Variants in TENT2 observed in about 807,000 individuals in gnomAD.
TENT2 encodes terminal nucleotidyltransferase 2, also known as poly(A) RNA polymerase GLD2.
In TENT2, 44 loss-of-function variants were observed where a neutral mutation model predicts 72.2. That is an observed-to-expected ratio of 0.61 (90% confidence interval 0.48 to 0.78). The LOEUF (loss-of-function observed/expected upper bound fraction) is 0.78. Ranked by LOEUF, TENT2 falls within the 30% of genes least tolerant of loss-of-function variation. TENT2 has a pLI of 0.00. For missense variants in TENT2, 541 were observed against 569.6 expected (o/e 0.95, Z 0.51); for synonymous variants, 212 against 192.5 (o/e 1.10, Z -0.84).
At chr5:79,674,347 A>G (rs1815449057) in intron 12 of TENT2, among the ~76,000 whole-genome samples, 1 of 152,130 alleles carries the variant, frequency 6.6e-6, no homozygotes. Context: ...GCGCCACCGC[A>G]CTCCAGCCCT....
At chr5:79,662,211 G>A (rs556436000) in intron 11 of TENT2, among the ~76,000 whole-genome samples, 40 of 152,330 alleles carry the variant, frequency 2.6e-4, no homozygotes, top group Middle Eastern at 3.4e-3. Flanking sequence ...AGGTTCCACT[G>A]CTAATTCTAA....
intron 1 of TENT2, 25 bp from the exon 2 acceptor site, chr5:79,619,587 A>G: frequency 6.7e-7 from 1 of 1,487,544 alleles, no homozygotes; most frequent in Non-Finnish European, 9.1e-7. Flanking sequence ...TGATAATTTA[A>G]TATTGTCTTT....
chr5:79,648,505 G>T, intron 8 of TENT2, 112 bp from the exon 9 acceptor site: 1 of 695,334 alleles, frequency 1.4e-6, no homozygotes, highest in Admixed American at 3.1e-5. Context: ...TGGCCTTTGG[G>T]CCCATACTAT....
chr5:79,647,996 T>C (rs188420451), intron 8 of TENT2, among the ~76,000 whole-genome samples: 1 of 152,344 alleles, frequency 6.6e-6, no homozygotes, highest in East Asian at 1.9e-4. Flanking sequence ...TTTAAATTAT[T>C]TCCCCTGTAT....
At chr5:79,633,186 C>T (rs1376206681) in intron 4 of TENT2, among the ~76,000 whole-genome samples, 1 of 152,110 alleles carries the variant, frequency 6.6e-6, no homozygotes, top group East Asian at 1.9e-4. Context: ...TTATTTTCCT[C>T]AGAAAATTAA....
At chr5:79,640,420 A>G (rs1479354362) in intron 4 of TENT2, among the ~76,000 whole-genome samples, 2 of 152,170 alleles carry the variant, frequency 1.3e-5, no homozygotes, top group African/African-American at 4.8e-5. Context: ...GGGATTGGGC[A>G]AACTTCTTTA....
chr5:79,624,646 G>C (rs1767908413), intron 4 of TENT2, among the ~76,000 whole-genome samples: 1 of 152,112 alleles, frequency 6.6e-6, no homozygotes, highest in African/African-American at 2.4e-5. Context: ...TTATATAAAT[G>C]AAATCATTCA....
intron 11 of TENT2, among the ~76,000 whole-genome samples, chr5:79,662,001 G>GA (rs1000191549): frequency 6.6e-6 from 1 of 152,072 alleles, no homozygotes; most frequent in African/African-American, 2.4e-5. Context: ...TTTCACTAAT[G>GA]AAAAAACTAA....
intron 12 of TENT2, among the ~76,000 whole-genome samples, chr5:79,673,343 A>G (rs1814532727): frequency 6.6e-6 from 1 of 152,010 alleles, no homozygotes; most frequent in Non-Finnish European, 1.5e-5. Context: ...GTGCTTGTGG[A>G]GTATTACTTA....
intron 4 of TENT2, among the ~76,000 whole-genome samples, chr5:79,631,668 G>A (rs1775659065): frequency 6.6e-6 from 1 of 152,228 alleles, no homozygotes; most frequent in South Asian, 2.1e-4. Context: ...CAAAAGGTGT[G>A]AAGTTAGGAC....
intron 12 of TENT2, among the ~76,000 whole-genome samples, chr5:79,671,018 G>C (rs1416584877): frequency 3.3e-5 from 5 of 151,906 alleles, no homozygotes; most frequent in African/African-American, 1.2e-4. Flanking sequence ...GGGGGAAAAG[G>C]ATTCACAGAA....
chr5:79,643,090 C>T, intron 7 of TENT2, 180 bp downstream of exon 7: 1 of 614,260 alleles, frequency 1.6e-6, no homozygotes, highest in Non-Finnish European at 2.0e-6. Flanking sequence ...ATTTATTCAA[C>T]ATATCTTTAT....
intron 11 of TENT2, among the ~76,000 whole-genome samples, chr5:79,662,431 T>C (rs748130915): frequency 1.3e-4 from 20 of 152,234 alleles, no homozygotes; most frequent in Non-Finnish European, 2.1e-4. Context: ...CCAGATTCAT[T>C]AGTGGAATCA....
At chr5:79,626,110 AGCCACT>A (rs965495064) in intron 4 of TENT2, among the ~76,000 whole-genome samples, 1 of 151,912 alleles carries the variant, frequency 6.6e-6, no homozygotes, top group African/African-American at 2.4e-5. Flanking sequence ...TACAGGTGTG[AGCCACT>A]GCACCTGGCC....
intron 4 of TENT2, among the ~76,000 whole-genome samples, chr5:79,627,860 T>G (rs1771696619): frequency 6.6e-6 from 1 of 152,200 alleles, no homozygotes; most frequent in East Asian, 1.9e-4. Flanking sequence ...AGTTTTGCGT[T>G]TATTTTTTAA....
intron 4 of TENT2, among the ~76,000 whole-genome samples, chr5:79,627,192 A>G (rs773626784): frequency 2.3e-4 from 35 of 151,824 alleles, no homozygotes; most frequent in South Asian, 4.2e-4. Context: ...CCTGTTTTCT[A>G]TGGAATTTAT....
At chr5:79,651,569 C>T (rs936633929) in intron 10 of TENT2, among the ~76,000 whole-genome samples, 2 of 151,996 alleles carry the variant, frequency 1.3e-5, no homozygotes, top group African/African-American at 4.8e-5. Context: ...CTGATTGTTA[C>T]ACCCTTTCCA....
At chr5:79,646,411 C>T (rs2150080673) in intron 8 of TENT2, among the ~76,000 whole-genome samples, 1 of 151,686 alleles carries the variant, frequency 6.6e-6, no homozygotes, top group South Asian at 2.1e-4. Context: ...CTGTGCTTAC[C>T]CTAGGAGCAA....
chr5:79,685,012 T>A (rs963178121), intron 14 of TENT2, among the ~76,000 whole-genome samples, 187 bp from the exon 15 acceptor site: 1 of 152,138 alleles, frequency 6.6e-6, no homozygotes. Context: ...GAGCCGAGAT[T>A]GCACCACTGC....
Sources: gnomAD v4.1 joint callset for allele counts (sites outside exome capture counted in the v4.1 genomes callset) on GRCh38, gnomAD v4.1.1 for gene constraint, MANE v1.5 for transcripts, NCBI Gene and HGNC (gene_info 2026-07-23, HGNC 2026-07-21) for gene names.